Variants in GPC5 observed in about 807,000 individuals in gnomAD.
GPC5 encodes the protein glypican-5.
GPC5 carries 47 observed loss-of-function variants against 53.9 expected under a neutral mutation model. That is an observed-to-expected ratio of 0.87 (90% CI 0.69 to 1.11). The LOEUF is 1.11. Ranked by LOEUF, GPC5 falls within the 50% of genes most tolerant of loss-of-function variation. GPC5 has a pLI of 0.00. For missense variants in GPC5, 748 were observed against 713.1 expected (o/e 1.05, Z -0.56); for synonymous variants, 286 against 263.3 (o/e 1.09, Z -0.84).
intron 7 of GPC5, among the ~76,000 whole-genome samples, chr13:92,320,838 C>T (rs759913926): frequency 1.6e-4 from 25 of 152,026 alleles, no homozygotes; most frequent in Admixed American, 1.4e-3. Flanking sequence ...TTATGAAAAA[C>T]GACTGTTTTG....
intron 7 of GPC5, among the ~76,000 whole-genome samples, chr13:92,520,503 A>G (rs1880997916): frequency 6.6e-6 from 1 of 152,214 alleles, no homozygotes; most frequent in Non-Finnish European, 1.5e-5. Flanking sequence ...ATAATCCAGC[A>G]TATAAACAGA....
chr13:92,069,548 C>G (rs1319356344), intron 6 of GPC5, among the ~76,000 whole-genome samples: 5 of 151,728 alleles, frequency 3.3e-5, no homozygotes, highest in Non-Finnish European at 7.4e-5. Flanking sequence ...AGTTATATTT[C>G]TTTCTTTTTA....
intron 2 of GPC5, among the ~76,000 whole-genome samples, chr13:91,465,345 G>T (rs538269203): frequency 6.6e-6 from 1 of 152,052 alleles, no homozygotes. Flanking sequence ...TCCTCACCCC[G>T]AATAGTTACC....
chr13:91,761,570 T>C (rs925148645), intron 5 of GPC5, among the ~76,000 whole-genome samples: 1 of 152,104 alleles, frequency 6.6e-6, no homozygotes, highest in Non-Finnish European at 1.5e-5. Context: ...CCTCTTTGGG[T>C]TCAATGAATC....
At chr13:91,693,928 T>C (rs769787483) in intron 3 of GPC5, 47 bp downstream of exon 3, 1 of 1,384,798 alleles carries the variant, frequency 7.2e-7, no homozygotes, top group Non-Finnish European at 1.0e-6. Flanking sequence ...GTAATTCAAA[T>C]ATTAGCCATG....
At chr13:91,434,275 C>T (rs569256863) in intron 1 of GPC5, among the ~76,000 whole-genome samples, 2 of 152,236 alleles carry the variant, frequency 1.3e-5, no homozygotes, top group East Asian at 1.9e-4. Context: ...AAGTCCTTGC[C>T]CATGCCTATG....
intron 5 of GPC5, among the ~76,000 whole-genome samples, chr13:91,839,748 T>C (rs7990703): frequency 0.64 from 96,528 of 151,806 alleles, 31,204 homozygotes; most frequent in East Asian, 0.95. Context: ...TGTGAGAAGA[T>C]GTAATCATTT....
intron 7 of GPC5, among the ~76,000 whole-genome samples, chr13:92,356,328 G>T (rs1295889302): frequency 6.6e-6 from 1 of 152,070 alleles, no homozygotes; most frequent in African/African-American, 2.4e-5. Context: ...GGGCATTGTC[G>T]GCCCTATTAA....
intron 5 of GPC5, among the ~76,000 whole-genome samples, chr13:91,788,616 G>C (rs1362954619): frequency 6.6e-6 from 1 of 152,078 alleles, no homozygotes; most frequent in East Asian, 1.9e-4. Flanking sequence ...GTTAAACAGT[G>C]ATATATATAC....
chr13:92,566,276 G>T (rs144044679), intron 7 of GPC5, among the ~76,000 whole-genome samples: 73 of 152,198 alleles, frequency 4.8e-4, no homozygotes, highest in African/African-American at 1.7e-3. Flanking sequence ...TATCAATTTA[G>T]AAATCAGCAC....
rs555539136 is a variant in GPC5, at chr13:91,572,252, T to C, written c.326-120935T>C. Reference sequence around the variant, plus strand: ...ATATGTATATACATGTGTATATATATACACATATGTATATACATGTGTATA... The same window carrying C: ...ATATGTATATACATGTGTATATATACACACATATGTATATACATGTGTATA... On this transcript the variant is annotated intron_variant, in intron 2 of 7. Transcript: ENST00000377067. Among the ~76,000 whole-genome samples the C allele has an allele frequency of 1.8e-4, 24 of 133,720 alleles. 1 individual carries two copies. The highest frequency in any genetic ancestry group is 9.1e-4 in the African/African-American group (23 of 25,186). The allele number at this position is 133,720 out of a possible 152,430, so 87.7% of individuals were successfully genotyped here.
intron 2 of GPC5, among the ~76,000 whole-genome samples, chr13:91,519,908 A>G (rs887638444): frequency 6.6e-6 from 1 of 152,222 alleles, no homozygotes; most frequent in Non-Finnish European, 1.5e-5. Flanking sequence ...TCCAAGGAAA[A>G]AAAGAACTTA....
At chr13:92,021,361 A>C (rs1716512373) in intron 6 of GPC5, among the ~76,000 whole-genome samples, 2 of 152,232 alleles carry the variant, frequency 1.3e-5, no homozygotes, top group Admixed American at 1.3e-4. Flanking sequence ...ATGCTAAATA[A>C]TAGAAGCCAG....
intron 2 of GPC5, among the ~76,000 whole-genome samples, chr13:91,676,565 T>G (rs1423087082): frequency 6.6e-6 from 1 of 152,080 alleles, no homozygotes; most frequent in Non-Finnish European, 1.5e-5. Flanking sequence ...GAATGTTTAC[T>G]AAAATGCTCT....
chr13:91,921,682 A>G (rs553881652), intron 6 of GPC5, among the ~76,000 whole-genome samples: 5 of 152,092 alleles, frequency 3.3e-5, no homozygotes, highest in African/African-American at 9.6e-5. Flanking sequence ...GGGGTGGCTC[A>G]TGTCTATAAT....
At chr13:92,290,998 G>A (rs866522593) in intron 7 of GPC5, among the ~76,000 whole-genome samples, 7 of 152,118 alleles carry the variant, frequency 4.6e-5, no homozygotes, top group East Asian at 1.9e-4. Flanking sequence ...TGCCAGCCCC[G>A]CTGGCCCCAG....
intron 7 of GPC5, among the ~76,000 whole-genome samples, chr13:92,761,796 G>A (rs530253675): frequency 6.6e-6 from 1 of 152,034 alleles, no homozygotes; most frequent in South Asian, 2.1e-4. Flanking sequence ...TTTGTTCCTT[G>A]CATTCTTTAT....
chr13:91,511,358 T>G (rs1885220301), intron 2 of GPC5, among the ~76,000 whole-genome samples: 1 of 152,230 alleles, frequency 6.6e-6, no homozygotes, highest in African/African-American at 2.4e-5. Context: ...TGTCCATTAT[T>G]TGGCTTCTCT....
intron 6 of GPC5, among the ~76,000 whole-genome samples, chr13:92,014,091 T>C (rs1484780444): frequency 6.6e-6 from 1 of 152,208 alleles, no homozygotes; most frequent in African/African-American, 2.4e-5. Context: ...TTTTTATAAA[T>C]AGTAGATTCC....
Sources: allele counts gnomAD v4.1 joint callset (sites outside exome capture counted in the v4.1 genomes callset), GRCh38; gene constraint gnomAD v4.1.1; transcripts MANE v1.5; gene names NCBI Gene and HGNC (gene_info 2026-07-23, HGNC 2026-07-21).